Variants in PALM2AKAP2 observed in about 807,000 individuals in gnomAD.
PALM2AKAP2 encodes PALM2 and AKAP2 fusion.
In PALM2AKAP2, 37 loss-of-function variants were observed where a neutral mutation model predicts 71.5. The observed-to-expected ratio is 0.52, with a 90% confidence interval of 0.40 to 0.68. The LOEUF (loss-of-function observed/expected upper bound fraction) is 0.68, where lower values mean the gene tolerates loss of function less well. Ranked by LOEUF, PALM2AKAP2 falls within the 30% of genes least tolerant of loss-of-function variation. The pLI, the probability that PALM2AKAP2 is intolerant of heterozygous loss-of-function variation, is 0.00. For synonymous variants in PALM2AKAP2, 468 were observed against 478.8 expected (o/e 0.98, Z 0.29); for missense variants, 1,224 against 1,191.8 (o/e 1.03, Z -0.40).
intron 2 of PALM2AKAP2, among the ~76,000 whole-genome samples, chr9:110,140,967 T>TG (rs1010323457): frequency 7.2e-5 from 11 of 152,250 alleles, no homozygotes; most frequent in Middle Eastern, 3.4e-3. Flanking sequence ...AAATGAATAA[T>TG]GGGGGGGCGG....
At chr9:110,137,512 G>T in exon 2 of PALM2AKAP2, 1 of 1,614,150 alleles carries the variant, frequency 6.2e-7, no homozygotes, top group Middle Eastern at 1.7e-4. Context: ...CTAAACGTGG[G>T]CCCTTATCTA....
Position 110,092,113 on chromosome 9 carries a change from C to A in PALM2AKAP2, c.156+43258C>A, listed in dbSNP as rs190749997. ...TTGTGAAGCCGAGGCGGGAGGACCA[C>A]CTGAGGTCAGGAGTTCAAGATCAGC... On this transcript the variant is annotated intron_variant, in intron 1 of 3. Coordinates refer to ENST00000374525, the Ensembl canonical transcript of PALM2AKAP2. Among the ~76,000 whole-genome samples the A allele has an allele frequency of 1.4e-4, 21 of 152,266 alleles. No individual in the cohort carries two copies. In the East Asian group the frequency reaches 3.9e-3, roughly 28 times the overall value.
chr9:109,826,517 T>A (rs1418924763), intron 1 of PALM2AKAP2, among the ~76,000 whole-genome samples: 1 of 152,196 alleles, frequency 6.6e-6, no homozygotes. Context: ...CTCAAGAGTT[T>A]TAGAAGATAG....
At chr9:109,656,988 G>A (rs2132237796) in intron 1 of PALM2AKAP2, among the ~76,000 whole-genome samples, 1 of 152,344 alleles carries the variant, frequency 6.6e-6, no homozygotes, top group East Asian at 1.9e-4. Flanking sequence ...TATTGAAGCT[G>A]TATGATGTTC....
At chr9:109,973,988 C>T (rs566508811) in intron 6 of PALM2AKAP2, among the ~76,000 whole-genome samples, 121 of 152,348 alleles carry the variant, frequency 7.9e-4, no homozygotes, top group South Asian at 4.6e-3. Flanking sequence ...AAGACAGACA[C>T]TCTTCCTACT....
intron 1 of PALM2AKAP2, among the ~76,000 whole-genome samples, chr9:109,746,380 C>T (rs1410453655): frequency 6.6e-6 from 1 of 152,102 alleles, no homozygotes; most frequent in East Asian, 1.9e-4. Flanking sequence ...TCCCATTAAT[C>T]CTGGTAAGTT....
At chr9:109,676,498 C>G (rs556375802) in intron 1 of PALM2AKAP2, among the ~76,000 whole-genome samples, 47 of 152,290 alleles carry the variant, frequency 3.1e-4, no homozygotes, top group African/African-American at 1.1e-3. Flanking sequence ...AGGCACTTCA[C>G]ATTTTATCAT....
intron 1 of PALM2AKAP2, among the ~76,000 whole-genome samples, chr9:109,701,564 C>T (rs1367651476): frequency 6.6e-6 from 1 of 152,142 alleles, no homozygotes; most frequent in African/African-American, 2.4e-5. Context: ...AAACTGGATC[C>T]CTTCCTTACA....
chr9:110,170,678 T>A (rs10980232), exon 4 of PALM2AKAP2: 1 of 152,198 alleles, frequency 6.6e-6, no homozygotes, highest in East Asian at 1.9e-4. Context: ...AAGATCCCTG[T>A]TGCAAGAAAT....
chr9:110,079,240 A>T (rs905644015), intron 1 of PALM2AKAP2, among the ~76,000 whole-genome samples: 6 of 152,202 alleles, frequency 3.9e-5, no homozygotes, highest in South Asian at 2.1e-4. Context: ...GCTCGCCTGT[A>T]ATCCTAGCAC....
chr9:109,730,755 T>C (rs1405492544), intron 1 of PALM2AKAP2, among the ~76,000 whole-genome samples: 2 of 152,130 alleles, frequency 1.3e-5, no homozygotes, highest in Non-Finnish European at 2.9e-5. Context: ...CTCAGGCCAA[T>C]GGGATGTGTT....
intron 1 of PALM2AKAP2, among the ~76,000 whole-genome samples, chr9:110,134,986 T>C (rs563610445): frequency 6.7e-6 from 1 of 150,328 alleles, no homozygotes; most frequent in African/African-American, 2.4e-5. Flanking sequence ...TAATGCCAAA[T>C]AACAAAATTA....
chr9:109,783,025 C>A (rs1826861889), intron 1 of PALM2AKAP2, among the ~76,000 whole-genome samples: 1 of 152,092 alleles, frequency 6.6e-6, no homozygotes, highest in Non-Finnish European at 1.5e-5. Context: ...GACAATAGGT[C>A]CTCACATCTT....
chr9:110,139,545 G>A (rs1835977232), intron 2 of PALM2AKAP2, among the ~76,000 whole-genome samples: 1 of 152,122 alleles, frequency 6.6e-6, no homozygotes, highest in African/African-American at 2.4e-5. Flanking sequence ...TGGACTGGTG[G>A]GGAAAAACTG....
chr9:109,844,519 T>A (rs1828796676), intron 1 of PALM2AKAP2, among the ~76,000 whole-genome samples: 1 of 152,180 alleles, frequency 6.6e-6, no homozygotes, highest in Non-Finnish European at 1.5e-5. Context: ...CCTGGTTATG[T>A]AAGATGTTAG....
chr9:110,158,301 C>T (rs2119231958), intron 3 of PALM2AKAP2, among the ~76,000 whole-genome samples: 1 of 152,366 alleles, frequency 6.6e-6, no homozygotes, highest in East Asian at 1.9e-4. Flanking sequence ...CTGCTCTATA[C>T]ATCAGCAGTT....
At chr9:109,853,190 G>A (rs1471236527) in intron 1 of PALM2AKAP2, among the ~76,000 whole-genome samples, 1 of 152,134 alleles carries the variant, frequency 6.6e-6, no homozygotes, top group Non-Finnish European at 1.5e-5. Context: ...AGTGAGGGTT[G>A]ATGAGGTAGT....
intron 1 of PALM2AKAP2, among the ~76,000 whole-genome samples, chr9:110,126,642 TCA>T (rs1835612105): frequency 6.6e-6 from 1 of 152,150 alleles, no homozygotes; most frequent in Admixed American, 6.5e-5. Context: ...CGGAAGCCTC[TCA>T]GTCACTCCTG....
intron 1 of PALM2AKAP2, among the ~76,000 whole-genome samples, chr9:109,855,155 C>T (rs1245768093): frequency 1.3e-5 from 2 of 151,928 alleles, no homozygotes; most frequent in African/African-American, 4.8e-5. Flanking sequence ...TCACTGCAAC[C>T]TCCGCTTCCC....
Sources: allele counts gnomAD v4.1 joint callset (sites outside exome capture counted in the v4.1 genomes callset), GRCh38; gene constraint gnomAD v4.1.1; transcripts MANE v1.5; gene names NCBI Gene and HGNC (gene_info 2026-07-23, HGNC 2026-07-21).